Variants in AMBP observed in about 807,000 individuals in gnomAD.
AMBP encodes the protein alpha-1-microglobulin/bikunin precursor.
AMBP carries 37 observed loss-of-function variants against 46.3 expected under a neutral mutation model. The ratio of observed to expected loss-of-function variants is 0.80; its 90% CI spans 0.61 to 1.05. The LOEUF is 1.05. Ranked by LOEUF, AMBP falls within the 50% of genes least tolerant of loss-of-function variation. AMBP has a pLI of 0.00. For missense variants in AMBP, 475 were observed against 461.2 expected, an observed-to-expected ratio of 1.03 and a Z score of -0.27; for synonymous variants, 174 against 175.9, an observed-to-expected ratio of 0.99 and a Z score of 0.09.
intron 5 of AMBP, among the ~76,000 whole-genome samples, chr9:114,072,700 A>C (rs1283905515): frequency 6.6e-6 from 1 of 152,240 alleles, no homozygotes; most frequent in African/African-American, 2.4e-5. Context: ...CCTGAGACAC[A>C]TGGCAGTAGA....
chr9:114,060,486 C>T (rs902031523), intron 9 of AMBP, among the ~76,000 whole-genome samples: 6 of 152,182 alleles, frequency 3.9e-5, no homozygotes, highest in African/African-American at 1.4e-4. Context: ...TCAATGGTTG[C>T]TCTTCCCTGG....
chr9:114,066,758 A>C (rs1846698965), intron 6 of AMBP, among the ~76,000 whole-genome samples: 1 of 152,194 alleles, frequency 6.6e-6, no homozygotes, highest in African/African-American at 2.4e-5. Flanking sequence ...GACTGGGAAG[A>C]AACTAATAGA....
chr9:114,069,012 G>T (rs553245390), intron 6 of AMBP, among the ~76,000 whole-genome samples: 3 of 151,460 alleles, frequency 2.0e-5, no homozygotes, highest in East Asian at 3.9e-4. Context: ...TTATAGTTTC[G>T]CAATTTTCAA....
Position 114,078,245 on chromosome 9 carries a change from G to A in AMBP, c.-36C>T. ...TCCTCTGCCTTGGTATATCCCACAGGCTCGGTCTAGCAACAGAAGGGCCAC... is the reference window on the plus strand; with the variant it reads ...TCCTCTGCCTTGGTATATCCCACAGACTCGGTCTAGCAACAGAAGGGCCAC... On this transcript the variant is annotated 5_prime_UTR_variant, in exon 1 of 10. Transcript: ENST00000265132. 5 of 1,591,372 alleles carry A rather than the reference G, an allele frequency of 3.1e-6. No individual in the cohort carries two copies. The highest frequency in any genetic ancestry group is 4.3e-6 in the Non-Finnish European group (5 of 1,165,674).
intron 7 of AMBP, 96 bp downstream of exon 7, chr9:114,062,581 A>C: frequency 8.1e-7 from 1 of 1,239,446 alleles, no homozygotes; most frequent in Non-Finnish European, 1.2e-6. Flanking sequence ...TAACAGATAA[A>C]GAGACTGCAC....
chr9:114,061,027 T>C lies in AMBP; in HGVS notation c.925A>G (p.Lys309Glu), dbSNP rs762848480. The change falls in exon 9 of 10, where the codon AAG (lysine) becomes GAG (glutamate). Residue 309 changes from lysine (K) to glutamate (E), a missense_variant. Coordinates refer to ENST00000265132, the MANE Select transcript of AMBP (RefSeq NM_001633.4). ...FIQLWAFDAV[K>E]GKCVLFPYGG... Reference sequence around the variant, plus strand: ...TAGGGGAAGAGGACGCACTTCCCCTTGACAGCATCAAATGCCCAGAGCTGG... The same window carrying C: ...TAGGGGAAGAGGACGCACTTCCCCTCGACAGCATCAAATGCCCAGAGCTGG... 1.9e-6 allele frequency: 3 copies of C among 1,614,222 alleles called. No homozygotes were observed. In the South Asian group the frequency reaches 3.3e-5, roughly 18 times the overall value.
intron 2 of AMBP, among the ~76,000 whole-genome samples, chr9:114,076,173 A>G (rs934887009): frequency 2.0e-5 from 3 of 151,888 alleles, no homozygotes; most frequent in Non-Finnish European, 4.4e-5. Context: ...AGGTTGTGGC[A>G]GACAACCAGG....
chr9:114,070,327 G>C (rs149206911), intron 5 of AMBP, among the ~76,000 whole-genome samples: 19 of 152,160 alleles, frequency 1.2e-4, no homozygotes, highest in Admixed American at 2.6e-4. Flanking sequence ...CCACCCCTGA[G>C]GCAGGCAACT....
In AMBP at chr9:114,072,901, T is replaced by C. The variant is rs760448064; in HGVS notation, c.556+24A>G. 3.1e-6 allele frequency: 5 copies of C among 1,608,824 alleles called. No homozygotes were observed. In the South Asian group the frequency reaches 5.5e-5, roughly 18 times the overall value. ...CAAGGGACGAAGAGGGGACAGGAAT[T>C]TGAGGCGGAGGGGTGCTATGTACCT... On this transcript the variant is annotated intron_variant, in intron 5 of 9. Transcript: ENST00000265132.
In AMBP at chr9:114,062,626, C is replaced by G. The variant is rs778375113; in HGVS notation, c.685+51G>C. The G allele has an allele frequency of 2.5e-6, 4 of 1,582,932 alleles. No homozygotes were observed. The South Asian group carries it at 3.3e-5, about 13-fold the overall frequency. On this transcript the variant is annotated intron_variant, in intron 7 of 9. Coordinates refer to ENST00000265132, the MANE Select transcript of AMBP (RefSeq NM_001633.4). ...TAGCCAGGGTGAGCCAACTGTGGGC[C>G]CTTCCTTTCTGGAGTATGGCAGAGG... is the stretch of plus-strand genomic sequence containing the variant.
chr9:114,061,216 A>AGAT (rs1449749519), intron 8 of AMBP, 118 bp from the exon 9 acceptor site: 5 of 1,413,568 alleles, frequency 3.5e-6, no homozygotes, highest in East Asian at 4.8e-5. Context: ...CCTCGTTGAC[A>AGAT]GATGGGGAAA....
intron 7 of AMBP, 26 bp from the exon 8 acceptor site, chr9:114,061,617 T>C (rs748820806): frequency 1.9e-6 from 3 of 1,569,756 alleles, no homozygotes; most frequent in East Asian, 4.5e-5. Context: ...CCAGCAGCAC[T>C]GACCAAGTGT....
intron 8 of AMBP, 22 bp downstream of exon 8, chr9:114,061,402 A>T (rs764139427): frequency 1.2e-6 from 2 of 1,613,918 alleles, no homozygotes; most frequent in Admixed American, 3.3e-5. Context: ...CAGAGCGCAC[A>T]GGGGTGGGGA....
chr9:114,075,180 A>G (rs1228942743), intron 2 of AMBP, 144 bp from the exon 3 acceptor site: 5 of 628,164 alleles, frequency 8.0e-6, no homozygotes, highest in African/African-American at 7.4e-5. Context: ...TAATTCGGAA[A>G]TGAACATTTC....
Position 114,076,607 on chromosome 9 carries a change from G to A in AMBP, c.251C>T (p.Thr84Ile). ...ATEAEISMTS[T>I]RWRKGVCEET... ...CCACCCTAGTGCTCACCGCCAACGA[G>A]TGCTGGTCATGCTGATCTCCGCCTC... is the stretch of plus-strand genomic sequence containing the variant. Residue 84 changes from threonine (T) to isoleucine (I), a missense_variant, in exon 2 of 10, where the codon ACT (threonine) becomes ATT (isoleucine). By Grantham distance (89) the Thr-to-Ile change is moderately conservative. Around this residue, in one of 3 missense-constraint regions of AMBP, gnomAD observed 179 missense variants for 167.4 expected, o/e 1.07. Transcript: ENST00000265132. 5 of 1,613,750 alleles carry A rather than the reference G, an allele frequency of 3.1e-6. No individual in the cohort carries two copies. The highest frequency in any genetic ancestry group is 4.2e-6 in the Non-Finnish European group (5 of 1,179,950).
chr9:114,063,667 A>G (rs1055103571), intron 6 of AMBP, among the ~76,000 whole-genome samples: 1 of 152,166 alleles, frequency 6.6e-6, no homozygotes, highest in African/African-American at 2.4e-5. Context: ...GAACACTTAA[A>G]CCTTCCCTGA....
chr9:114,061,155 A>T, intron 8 of AMBP, 57 bp from the exon 9 acceptor site: 3 of 1,586,112 alleles, frequency 1.9e-6, no homozygotes, highest in Non-Finnish European at 2.6e-6. Flanking sequence ...CTGATCAGAC[A>T]TACATGAGAC....
At position 114,062,667 on chromosome 9, in the gene AMBP, TG is replaced by T. The variant is rs1402320589; in HGVS notation, c.685+9del. Reference sequence around the variant, plus strand: ...ATGGCAGAGGGGGTGAAAAGGCAGGTGTTCATTACCTTCTTTCTTGGTGACT... The same window carrying T: ...ATGGCAGAGGGGGTGAAAAGGCAGGTTTCATTACCTTCTTTCTTGGTGACT... On this transcript the variant is annotated intron_variant, in intron 7 of 9. Coordinates refer to ENST00000265132, the MANE Select transcript of AMBP (RefSeq NM_001633.4). The T allele has an allele frequency of 1.9e-6, 3 of 1,613,096 alleles. No homozygotes were observed. The highest frequency in any genetic ancestry group is 2.5e-6 in the Non-Finnish European group (3 of 1,179,862).
At chr9:114,076,244 T>C (rs1271126608) in intron 2 of AMBP, among the ~76,000 whole-genome samples, 2 of 148,064 alleles carry the variant, frequency 1.4e-5, no homozygotes, top group African/African-American at 5.0e-5. Context: ...AGTGAACAGG[T>C]TGGGGGGGAT....
Sources: allele counts gnomAD v4.1 joint callset (sites outside exome capture counted in the v4.1 genomes callset), GRCh38; gene constraint gnomAD v4.1.1; regional missense constraint gnomAD v4.1.1; transcripts MANE v1.5; gene names NCBI Gene and HGNC (gene_info 2026-07-23, HGNC 2026-07-21).